The following CABYR variants were observed in gnomAD, a reference collection of about 807,000 sequenced individuals.
The protein encoded by CABYR is calcium-binding tyrosine phosphorylation-regulated protein.
In CABYR, 31 loss-of-function variants were observed where a neutral mutation model predicts 36.1. That is an observed-to-expected ratio of 0.86 (90% CI 0.64 to 1.16). The LOEUF is 1.16. CABYR is among the 50% of genes most tolerant of loss of function. CABYR has a pLI of 0.00. For missense variants in CABYR, 429 were observed against 455.8 expected (o/e 0.94, Z 0.53); for synonymous variants, 146 against 160.7 (o/e 0.91, Z 0.69).
At chr18:24,140,708 T>A (rs1020901901) in intron 1 of CABYR, among the ~76,000 whole-genome samples, 2 of 151,644 alleles carry the variant, frequency 1.3e-5, no homozygotes, top group Non-Finnish European at 2.9e-5. Flanking sequence ...CCCATTACCT[T>A]TCCCAGCTTC....
At chr18:24,152,218 A>C (rs4800555) in intron 3 of CABYR, among the ~76,000 whole-genome samples, 2 of 152,192 alleles carry the variant, frequency 1.3e-5, no homozygotes, top group South Asian at 4.1e-4. Flanking sequence ...TTTCTGTATC[A>C]CTTTTTAAAT....
rs558248128 is a variant in CABYR, at chr18:24,155,969, A to G, written c.468A>G (p.Pro156=). 83 of 1,613,794 alleles carry G rather than the reference A, an allele frequency of 5.1e-5. No individual in the cohort carries two copies. The highest frequency in any genetic ancestry group is 6.1e-5 in the Non-Finnish European group (72 of 1,179,968). Residue 156 remains proline, a synonymous_variant, in exon 4 of 6, where the codon CCA becomes CCG. Coordinates refer to ENST00000399496, the MANE Select transcript of CABYR (RefSeq NM_153769.3). ...AGACTACTACCCCACCCTCATCACC[A>G]CCTCCAACAGCTGTCTCACCAGAGT... The part of the protein sequence containing the change: ...TPKTTTPPSS[P]PPTAVSPEFA...
At chr18:24,150,868 C>T (rs2085612065) in intron 3 of CABYR, among the ~76,000 whole-genome samples, 1 of 151,358 alleles carries the variant, frequency 6.6e-6, no homozygotes, top group South Asian at 2.1e-4. Flanking sequence ...CAAGCTCCGC[C>T]TCCCGGGTTC....
chr18:24,160,117 T>A lies in CABYR; in HGVS notation c.1139+48T>A, dbSNP rs2085913539. On this transcript the variant is annotated intron_variant, in intron 5 of 5. Transcript: ENST00000399496. ...ATATTTAGGCCTTAACACACGCGCG[T>A]TTTAAGCATTTTGATTTCTTGACCT... The A allele has an allele frequency of 2.4e-6, 3 of 1,239,810 alleles. No homozygotes were observed. In the African/African-American group the frequency reaches 4.6e-5, roughly 19 times the overall value. 76.8% of individuals were successfully genotyped at this position (1,239,810 alleles called of 1,614,324 possible). A position where few individuals can be genotyped will look rare whatever the true frequency, so the allele number is the denominator to read the frequency against.
intron 3 of CABYR, chr18:24,150,393 TA>T: frequency 6.1e-6 from 1 of 163,478 alleles, no homozygotes; most frequent in Non-Finnish European, 1.3e-5. Flanking sequence ...TCCTTATTTC[TA>T]AAGCTTAACC....
intron 3 of CABYR, among the ~76,000 whole-genome samples, chr18:24,149,636 A>C (rs1270967079): frequency 6.6e-6 from 1 of 152,214 alleles, no homozygotes; most frequent in Non-Finnish European, 1.5e-5. Flanking sequence ...CGGGCCGCAC[A>C]GGAGTCCACG....
intron 1 of CABYR, among the ~76,000 whole-genome samples, chr18:24,142,890 G>C (rs942745834): frequency 6.6e-6 from 1 of 151,788 alleles, no homozygotes; most frequent in African/African-American, 2.4e-5. Flanking sequence ...AAAATTAGCG[G>C]GGTGTGGTGC....
At chr18:24,154,605 C>G (rs1340028522) in intron 3 of CABYR, among the ~76,000 whole-genome samples, 1 of 152,206 alleles carries the variant, frequency 6.6e-6, no homozygotes, top group Non-Finnish European at 1.5e-5. Flanking sequence ...AAACATGTCT[C>G]CAAAGTTTTG....
At chr18:24,154,919 G>C (rs1189982398) in intron 3 of CABYR, among the ~76,000 whole-genome samples, 2 of 151,990 alleles carry the variant, frequency 1.3e-5, no homozygotes, top group African/African-American at 4.8e-5. Context: ...CTCTTGGCTG[G>C]GTCAGTCTGA....
intron 1 of CABYR, among the ~76,000 whole-genome samples, chr18:24,141,307 A>G (rs78316277): frequency 0.037 from 5,708 of 152,300 alleles, 346 homozygotes; most frequent in African/African-American, 0.12. Context: ...GTGCCCTTCT[A>G]TAATTGTTGT....
At chr18:24,158,662 G>A (rs182646813) in intron 4 of CABYR, among the ~76,000 whole-genome samples, 2 of 152,118 alleles carry the variant, frequency 1.3e-5, no homozygotes, top group Non-Finnish European at 2.9e-5. Flanking sequence ...GGCTGCACCG[G>A]GGATAGATGG....
intron 3 of CABYR, among the ~76,000 whole-genome samples, chr18:24,151,687 C>CTTTTTTTT (rs35513415): frequency 8.1e-6 from 1 of 123,942 alleles, no homozygotes; most frequent in African/African-American, 3.1e-5. Context: ...CTAGTGTTGG[C>CTTTTTTTT]TTTTTTTTTT....
rs770807395 is a variant in CABYR at position 24,160,238 on chromosome 18, C to T, written c.1139+169C>T. On this transcript the variant is annotated intron_variant, in intron 5 of 5. Transcript: ENST00000399496. ...TCTCCAACTTCCTAAACACCAGTTACTAATAAATGCACAGCAGGTGCACTG... is the reference window on the plus strand; with the variant it reads ...TCTCCAACTTCCTAAACACCAGTTATTAATAAATGCACAGCAGGTGCACTG... 5.8e-5 allele frequency: 35 copies of T among 603,742 alleles called. No homozygotes were observed. The East Asian group carries it at 8.0e-4, about 14-fold the overall frequency. 37.4% of individuals were successfully genotyped at this position (603,742 alleles called of 1,614,324 possible).
rs144981165 is a variant in CABYR, at chr18:24,155,903, G to A, written c.402G>A (p.Thr134=). ...ATGCTGTGCCAGGCACTGAGCAAAC[G>A]GAAGCAGTTGGTGGTCTTTCTTCCA... The part of the protein sequence containing the change: ...SVYAVPGTEQ[T]EAVGGLSSKP... Residue 134 remains threonine, a synonymous_variant, in exon 4 of 6, where the codon ACG becomes ACA. Coordinates refer to ENST00000399496, the MANE Select transcript of CABYR (RefSeq NM_153769.3). 8.1e-5 allele frequency: 131 copies of A among 1,614,124 alleles called. No homozygotes were observed. Among genetic ancestry groups the A allele is most frequent in the Admixed American group, 1.5e-4 (9 of 60,018 alleles).
chr18:24,160,156 T>A, intron 5 of CABYR, 87 bp downstream of exon 5: 1 of 960,940 alleles, frequency 1.0e-6, no homozygotes, highest in Non-Finnish European at 1.6e-6. Flanking sequence ...GATTTAGATA[T>A]TTAAAAACAA....
At chr18:24,144,142 C>T (rs1413775228) in intron 3 of CABYR, among the ~76,000 whole-genome samples, 2 of 152,274 alleles carry the variant, frequency 1.3e-5, no homozygotes, top group East Asian at 3.9e-4. Context: ...AGGTGATCTG[C>T]CTGCCTCAAC....
At chr18:24,143,446 T>G (rs372627357) in intron 3 of CABYR, 33 bp downstream of exon 3, 5 of 1,240,168 alleles carry the variant, frequency 4.0e-6, no homozygotes, top group South Asian at 1.4e-5. Context: ...GTTTTAATAA[T>G]GATGTTTATT....
At position 24,160,072 on chromosome 18, in the gene CABYR, A is replaced by G. The variant is rs773361784; in HGVS notation, c.1139+3A>G. 1.2e-6 allele frequency: 2 copies of G among 1,600,796 alleles called. No homozygotes were observed. Among genetic ancestry groups the G allele is most frequent in the Non-Finnish European group, 1.7e-6 (2 of 1,170,750 alleles). On this transcript the variant is annotated splice_donor_region_variant and intron_variant, in intron 5 of 5. Coordinates refer to ENST00000399496, the MANE Select transcript of CABYR (RefSeq NM_153769.3). ...CGCAAAGCAGAAACTGAAAACTGGT[A>G]GGTACACTTTCCTACCATAATATTT... is the stretch of plus-strand genomic sequence containing the variant.
At chr18:24,161,242 A>G (rs2145893193) in intron 5 of CABYR, among the ~76,000 whole-genome samples, 1 of 152,280 alleles carries the variant, frequency 6.6e-6, no homozygotes, top group Middle Eastern at 3.4e-3. Flanking sequence ...AGGCTCAAGG[A>G]CCAGTTACTA....
Sources: gnomAD v4.1 joint callset for allele counts (sites outside exome capture counted in the v4.1 genomes callset) on GRCh38, gnomAD v4.1.1 for gene constraint, MANE v1.5 for transcripts, NCBI Gene and HGNC (gene_info 2026-07-23, HGNC 2026-07-21) for gene names.